Variants in DIXDC1 observed in about 807,000 individuals in gnomAD.
DIXDC1 encodes dixin.
In DIXDC1, 64 loss-of-function variants were observed where a neutral mutation model predicts 103.1. The observed-to-expected ratio is 0.62, with a 90% CI of 0.51 to 0.76. DIXDC1 has a LOEUF of 0.76. Among genes scored for constraint, DIXDC1 ranks in the 30% least tolerant of loss-of-function variants. DIXDC1 has a pLI of 0.00. For synonymous variants in DIXDC1, 266 were observed against 298.5 expected (o/e 0.89, Z 1.12); for missense variants, 759 against 834.2 (o/e 0.91, Z 1.11).
chr11:111,977,929 G>C lies in DIXDC1; in HGVS notation c.657-2808G>C, dbSNP rs1277850449. 3 of 1,283,226 alleles carry C rather than the reference G, an allele frequency of 2.3e-6. No homozygotes were observed. The highest frequency in any genetic ancestry group is 3.1e-6 in the Non-Finnish European group (3 of 957,464). The allele number at this position is 1,283,226 out of a possible 1,614,324, so 79.5% of individuals were successfully genotyped here. ...TGGGAGGACCGGCTGCTGACCAGGG[G>C]TTATCACTATAAAATACGGTGGGCG... On this transcript the variant is annotated intron_variant, in intron 5 of 19. Transcript: ENST00000440460. This position sits in a 1 kb window ranked among gnomAD's most constrained non-coding sequence, Gnocchi z 6.1.
intron 1 of DIXDC1, among the ~76,000 whole-genome samples, chr11:111,941,862 AC>A (rs1966429380): frequency 6.6e-6 from 1 of 151,674 alleles, no homozygotes; most frequent in African/African-American, 2.4e-5. Context: ...ACACACACAC[AC>A]ACACACACAC....
chr11:111,951,293 C>G (rs933494750), intron 1 of DIXDC1, among the ~76,000 whole-genome samples: 1 of 152,064 alleles, frequency 6.6e-6, no homozygotes, highest in Non-Finnish European at 1.5e-5. Flanking sequence ...AAAGTACAGG[C>G]CCAGATTATC....
intron 3 of DIXDC1, among the ~76,000 whole-genome samples, chr11:111,971,212 T>C (rs1859912101): frequency 6.6e-6 from 1 of 152,162 alleles, no homozygotes; most frequent in Non-Finnish European, 1.5e-5. Flanking sequence ...GAGGAAATAT[T>C]CACAAACTAT....
chr11:111,993,566 T>C lies in DIXDC1; in HGVS notation c.1343T>C (p.Leu448Pro), dbSNP rs782138617. 5.6e-6 allele frequency: 9 copies of C among 1,614,024 alleles called. No individual in the cohort carries two copies. Among genetic ancestry groups the C allele is most frequent in the Non-Finnish European group, 6.8e-6 (8 of 1,179,888 alleles). Residue 448 changes from leucine (L) to proline (P), a missense_variant, in exon 13 of 20, where the codon CTC (leucine) becomes CCC (proline). This residue lies in a region of DIXDC1 where 657 missense variants were observed against 727.5 expected (regional missense o/e 0.90). Coordinates refer to ENST00000440460, the MANE Select transcript of DIXDC1 (RefSeq NM_001037954.4). ...QAKLEEALRK[L>P]SDVSYHQVDL... ...AAGTTAGAAGAAGCACTCCGGAAAC[T>C]CTCTGATGTCAGTTACCACCAGGTC...
At chr11:111,945,498 G>A (rs1198228441) in intron 1 of DIXDC1, 3 of 152,216 alleles carry the variant, frequency 2.0e-5, no homozygotes, top group Non-Finnish European at 4.4e-5. Context: ...GGGCTGGGCA[G>A]CTACCCCAGG....
chr11:111,986,858 G>T lies in DIXDC1; in HGVS notation c.1009-13G>T. 1 of 1,561,372 alleles carries T rather than the reference G, an allele frequency of 6.4e-7. No homozygotes were observed. The highest frequency in any genetic ancestry group is 1.2e-5 in the South Asian group (1 of 84,836). On this transcript the variant is annotated splice_polypyrimidine_tract_variant and intron_variant, in intron 8 of 19. Transcript: ENST00000440460. The stretch of plus-strand genomic sequence containing the variant: ...CATAGGTGCTTAGCCATCTCTGTTT[G>T]TCTTATATTCAGATTATAATCCAAA...
At chr11:111,979,294 T>G (rs782051191) in intron 5 of DIXDC1, among the ~76,000 whole-genome samples, 2 of 152,176 alleles carry the variant, frequency 1.3e-5, no homozygotes, top group Non-Finnish European at 2.9e-5. Context: ...GGCTCTTGTT[T>G]TTTACTGGAT....
At chr11:111,997,167 A>C (rs1349757161) in intron 17 of DIXDC1, among the ~76,000 whole-genome samples, 2 of 152,236 alleles carry the variant, frequency 1.3e-5, no homozygotes, top group Non-Finnish European at 2.9e-5. Context: ...GTTACATATA[A>C]ATTTTTAAAA....
upstream of DIXDC1, among the ~76,000 whole-genome samples, chr11:111,932,454 C>T (rs924307580): frequency 6.6e-5 from 10 of 151,644 alleles, no homozygotes; most frequent in East Asian, 7.8e-4. Context: ...GGCGTGGTGG[C>T]GGACGCCTGT....
rs1259126815 is a variant in DIXDC1 at position 111,976,214 on chromosome 11, A to G, written c.656+1231A>G. ...GTTGTATTGCTTCCTGCACTTCTGC[A>G]GGCCTTTCACTCTTCTGAGCCTGAT... On this transcript the variant is annotated intron_variant, in intron 5 of 19. Transcript: ENST00000440460. The surrounding 1 kb of genome is among the most constrained non-coding windows in gnomAD (Gnocchi z 4.3). Among the ~76,000 whole-genome samples, 2 of 152,194 alleles carry G rather than the reference A, an allele frequency of 1.3e-5. No homozygotes were observed. Among genetic ancestry groups the G allele is most frequent in the Admixed American group, 1.3e-4 (2 of 15,284 alleles).
At chr11:111,938,272 A>G (rs184415782) in intron 1 of DIXDC1, among the ~76,000 whole-genome samples, 2 of 151,924 alleles carry the variant, frequency 1.3e-5, no homozygotes, top group African/African-American at 2.4e-5. Context: ...TGTTTATTGC[A>G]TTTGCTTTTC....
intron 4 of DIXDC1, 134 bp from the exon 5 acceptor site, chr11:111,974,742 G>A: frequency 4.8e-6 from 7 of 1,456,066 alleles, no homozygotes; most frequent in East Asian, 5.1e-5. Context: ...TAGGTACCAA[G>A]TGTCTTTGAG....
chr11:111,982,997 T>G (rs1467721951), intron 7 of DIXDC1, among the ~76,000 whole-genome samples: 1 of 152,228 alleles, frequency 6.6e-6, no homozygotes, highest in African/African-American at 2.4e-5. Flanking sequence ...GAGGTTTACT[T>G]TGAGCAACAA....
chr11:111,972,644 C>T (rs587636543), intron 3 of DIXDC1, among the ~76,000 whole-genome samples: 1 of 152,326 alleles, frequency 6.6e-6, no homozygotes, highest in South Asian at 2.1e-4. Context: ...TTCCCTGTCT[C>T]CCCCTGCATT....
At chr11:111,957,039 G>A (rs975287945) in intron 1 of DIXDC1, among the ~76,000 whole-genome samples, 1 of 152,026 alleles carries the variant, frequency 6.6e-6, no homozygotes, top group Non-Finnish European at 1.5e-5. Context: ...TGAGCATGGT[G>A]GTGCATGCCT....
chr11:111,930,557 T>G (rs1555167564), intron 2 of DIXDC1, among the ~76,000 whole-genome samples: 1 of 152,246 alleles, frequency 6.6e-6, no homozygotes, highest in Non-Finnish European at 1.5e-5. Context: ...AACGTTAACA[T>G]AAAATTGTTA....
intron 3 of DIXDC1, among the ~76,000 whole-genome samples, chr11:111,971,292 A>G (rs1220680975): frequency 3.3e-5 from 5 of 152,246 alleles, no homozygotes; most frequent in Admixed American, 1.3e-4. Flanking sequence ...AAATAACCCT[A>G]TTGAAAAGTG....
intron 1 of DIXDC1, among the ~76,000 whole-genome samples, chr11:111,951,908 C>T (rs587693360): frequency 2.0e-5 from 3 of 151,768 alleles, no homozygotes; most frequent in Admixed American, 2.0e-4. Context: ...CTCTGTCACC[C>T]AGGTTGGAGT....
Position 111,998,201 on chromosome 11 carries a change from T to A in DIXDC1, c.1756+2055T>A, listed in dbSNP as rs1308363429. ...TTCAGTTTCAGTGTCATTCAGATAT[T>A]CATTTAACATATTTACTAAGCATCC... On this transcript the variant is annotated intron_variant, in intron 17 of 19. Transcript: ENST00000440460. The surrounding 1 kb of genome is among the most constrained non-coding windows in gnomAD (Gnocchi z 4.1). Among the ~76,000 whole-genome samples, 7 of 152,258 alleles carry A rather than the reference T, an allele frequency of 4.6e-5. No individual in the cohort carries two copies. Among genetic ancestry groups the A allele is most frequent in the African/African-American group, 1.7e-4 (7 of 41,470 alleles).
Sources: allele counts gnomAD v4.1 joint callset (sites outside exome capture counted in the v4.1 genomes callset), GRCh38; gene constraint gnomAD v4.1.1; regional missense constraint gnomAD v4.1.1; non-coding constraint Gnocchi (gnomAD v3.1); transcripts MANE v1.5; gene names NCBI Gene and HGNC (gene_info 2026-07-23, HGNC 2026-07-21).